The following OSBP variants were observed in gnomAD, a reference collection of about 807,000 sequenced individuals.
The protein encoded by OSBP is oxysterol binding protein.
Under a neutral mutation model 96.6 loss-of-function variants are expected in OSBP, and 32 were observed. That is an observed-to-expected ratio of 0.33 (90% CI 0.25 to 0.45). The LOEUF (loss-of-function observed/expected upper bound fraction) is 0.45, where lower values mean the gene tolerates loss of function less well. Among genes scored for constraint, OSBP ranks in the 20% least tolerant of loss-of-function variants. OSBP has a pLI of 1.00. For synonymous variants in OSBP, 369 were observed against 389.6 expected (o/e 0.95, Z 0.62); for missense variants, 653 against 1,029.7 (o/e 0.63, Z 5.01).
In OSBP at chr11:59,615,710, G is replaced by A; in HGVS notation, c.-46C>T. 2.4e-6 allele frequency: 3 copies of A among 1,259,018 alleles called. No individual in the cohort carries two copies. Among genetic ancestry groups the A allele is most frequent in the Non-Finnish European group, 3.0e-6 (3 of 1,003,174 alleles). 78.0% of individuals were successfully genotyped at this position (1,259,018 alleles called of 1,614,324 possible). A position where few individuals can be genotyped will look rare whatever the true frequency, so the allele number is the denominator to read the frequency against. On this transcript the variant is annotated 5_prime_UTR_variant, in exon 1 of 14. Coordinates refer to ENST00000263847, the MANE Select transcript of OSBP (RefSeq NM_002556.3). ...TACAAGACCGGAACCGCCTACGAGA[G>A]CCGCCGTCGCCGCCCGGAGCGCCCC...
At position 59,574,583 on chromosome 11, in the gene OSBP, G is replaced by A. The variant is rs1851928556; in HGVS notation, c.*1994C>T. ...ATCAGCCAGAAATGTAGTGCAGATGGTGAAGGAAGAGAAGGGGATAAAGCA... is the reference window on the plus strand; with the variant it reads ...ATCAGCCAGAAATGTAGTGCAGATGATGAAGGAAGAGAAGGGGATAAAGCA... On this transcript the variant is annotated 3_prime_UTR_variant, in exon 14 of 14. Transcript: ENST00000263847. 6.6e-6 allele frequency: 1 copy of A among 152,598 alleles called. No homozygotes were observed. The highest frequency in any genetic ancestry group is 1.5e-5 in the Non-Finnish European group (1 of 68,034). 9.5% of individuals were successfully genotyped at this position (152,598 alleles called of 1,614,324 possible).
At chr11:59,580,373 C>A in intron 10 of OSBP, 104 bp from the exon 11 acceptor site, 1 of 751,214 alleles carries the variant, frequency 1.3e-6, no homozygotes, top group Non-Finnish European at 2.3e-6. Context: ...TTCTAGTAAT[C>A]CCTTGTTTAA....
intron 9 of OSBP, among the ~76,000 whole-genome samples, chr11:59,591,380 T>C (rs1860578049): frequency 6.6e-6 from 1 of 152,148 alleles, no homozygotes; most frequent in African/African-American, 2.4e-5. Context: ...CTTCCTTTGG[T>C]ATTTGTGAGA....
chr11:59,605,179 C>T (rs1052905355), intron 3 of OSBP, among the ~76,000 whole-genome samples: 1 of 151,914 alleles, frequency 6.6e-6, no homozygotes, highest in Non-Finnish European at 1.5e-5. Context: ...ATTATGACTG[C>T]ATCCAAATTG....
At chr11:59,604,038 G>A (rs1012822486) in intron 3 of OSBP, among the ~76,000 whole-genome samples, 3 of 152,140 alleles carry the variant, frequency 2.0e-5, no homozygotes, top group African/African-American at 4.8e-5. Context: ...AGTACAGAGT[G>A]CATACTCTGG....
At chr11:59,604,708 A>C (rs1860758997) in intron 3 of OSBP, among the ~76,000 whole-genome samples, 1 of 151,768 alleles carries the variant, frequency 6.6e-6, no homozygotes, top group Admixed American at 6.6e-5. Context: ...CTCAAAAAAA[A>C]AGTTGAGTGT....
chr11:59,576,472 C>T lies in OSBP; in HGVS notation c.*105G>A. 1.5e-6 allele frequency: 2 copies of T among 1,293,130 alleles called. No homozygotes were observed. Among genetic ancestry groups the T allele is most frequent in the Non-Finnish European group, 2.1e-6 (2 of 935,906 alleles). The allele number at this position is 1,293,130 out of a possible 1,614,324, so 80.1% of individuals were successfully genotyped here. ...GGAAAAAATGATTGGTCAAGAGAGA[C>T]AAACTTGAGGAAAGCACTTGGTAAG... On this transcript the variant is annotated 3_prime_UTR_variant, in exon 14 of 14. Coordinates refer to ENST00000263847, the MANE Select transcript of OSBP (RefSeq NM_002556.3).
intron 3 of OSBP, among the ~76,000 whole-genome samples, chr11:59,604,875 C>G (rs531564883): frequency 4.5e-5 from 6 of 133,654 alleles, no homozygotes; most frequent in Non-Finnish European, 9.2e-5. Context: ...AGAAAAAGGC[C>G]GAGCACAGTG....
chr11:59,615,580 C>T lies in OSBP; in HGVS notation c.85G>A (p.Val29Met). The change falls in exon 1 of 14, where the codon GTG (valine) becomes ATG (methionine). Residue 29 changes from valine to methionine, a missense_variant. Around this residue, in one of 6 missense-constraint regions of OSBP, gnomAD observed 151 missense variants for 146.1 expected, o/e 1.03. Coordinates refer to ENST00000263847, the MANE Select transcript of OSBP (RefSeq NM_002556.3). ...ALGGGGAGPPVVGGGGGRGDA... is the reference protein window; with the variant it reads ...ALGGGGAGPPMVGGGGGRGDA... ...CCGCGGCCGCCGCCTCCTCCCACCA[C>T]TGGGGGACCGGCGCCGCCGCCGCCA... The T allele has an allele frequency of 7.3e-7, 1 of 1,376,274 alleles. No homozygotes were observed. Among genetic ancestry groups the T allele is most frequent in the Non-Finnish European group, 9.4e-7 (1 of 1,060,500 alleles). The allele number at this position is 1,376,274 out of a possible 1,614,324, so 85.3% of individuals were successfully genotyped here.
intron 3 of OSBP, among the ~76,000 whole-genome samples, chr11:59,604,742 C>T (rs1283057641): frequency 2.6e-5 from 4 of 151,554 alleles, no homozygotes; most frequent in Admixed American, 6.6e-5. Flanking sequence ...GTAGTCCCAG[C>T]TACTCAGAAG....
rs146008215 is a variant in OSBP at position 59,602,714 on chromosome 11, G to A, written c.823-876C>T. On this transcript the variant is annotated intron_variant, in intron 3 of 13. Coordinates refer to ENST00000263847, the MANE Select transcript of OSBP (RefSeq NM_002556.3). ...AGCTCACTGCAGCCTCAACCTCGTC[G>A]GGCTCAGGTGATCCTCCTACCTTAG... 4.3e-3 allele frequency among the ~76,000 whole-genome samples: 648 copies of A among 152,232 alleles called. 2 individuals are homozygous for A. Among genetic ancestry groups the A allele is most frequent in the African/African-American group, 0.014 (599 of 41,524 alleles).
intron 9 of OSBP, among the ~76,000 whole-genome samples, chr11:59,587,857 G>A (rs1373025613): frequency 1.3e-5 from 2 of 152,156 alleles, no homozygotes; most frequent in African/African-American, 4.8e-5. Flanking sequence ...GTCTTAAAGA[G>A]ATATTTGTTG....
At chr11:59,583,907 G>T (rs1309635312) in intron 9 of OSBP, among the ~76,000 whole-genome samples, 1 of 149,826 alleles carries the variant, frequency 6.7e-6, no homozygotes, top group Non-Finnish European at 1.5e-5. Context: ...CAAAGAGCTG[G>T]GATTACAGGC....
At chr11:59,585,560 C>T (rs1216829887) in intron 9 of OSBP, among the ~76,000 whole-genome samples, 3 of 151,642 alleles carry the variant, frequency 2.0e-5, no homozygotes, top group African/African-American at 4.8e-5. Context: ...GTCAGCCCCC[C>T]GCCCGGCCAG....
At chr11:59,578,117 G>C in intron 12 of OSBP, 32 bp downstream of exon 12, 2 of 1,602,320 alleles carry the variant, frequency 1.2e-6, no homozygotes, top group Non-Finnish European at 1.7e-6. Context: ...AGGTCAAAGT[G>C]GTATCTGGGC....
At position 59,604,254 on chromosome 11, in the gene OSBP, GTTA is replaced by G. The variant is rs564206388; in HGVS notation, c.823-2419_823-2417del. On this transcript the variant is annotated intron_variant, in intron 3 of 13. Transcript: ENST00000263847. Reference sequence around the variant, plus strand: ...ACAATAAACATTCAATAAGGTGTTAGTTATTATAATTATAAGCTGGGCATGGTA... The same window carrying G: ...ACAATAAACATTCAATAAGGTGTTAGTTATAATTATAAGCTGGGCATGGTA... 2.5e-4 allele frequency among the ~76,000 whole-genome samples: 38 copies of G among 152,296 alleles called. No homozygotes were observed. The South Asian group carries it at 7.5e-3, about 30-fold the overall frequency.
intron 7 of OSBP, among the ~76,000 whole-genome samples, chr11:59,599,691 G>A (rs1175305147): frequency 2.0e-5 from 3 of 152,142 alleles, no homozygotes; most frequent in African/African-American, 7.2e-5. Flanking sequence ...CTCAAGAAAT[G>A]GGTATTAGCC....
chr11:59,591,773 A>G (rs1205857022), intron 9 of OSBP, among the ~76,000 whole-genome samples: 2 of 151,752 alleles, frequency 1.3e-5, no homozygotes. Flanking sequence ...GGCACCCACC[A>G]CCACGCCTGG....
rs1860342693 is a variant in OSBP at position 59,574,924 on chromosome 11, AAAAC to A, written c.*1649_*1652del. 6.6e-6 allele frequency: 1 copy of A among 152,606 alleles called. No homozygotes were observed. 9.5% of individuals were successfully genotyped at this position (152,606 alleles called of 1,614,324 possible). A position where few individuals can be genotyped will look rare whatever the true frequency, so the allele number is the denominator to read the frequency against. ...GCTGAGGCTCAGCAGTTAAGGAACA[AAAAC>A]AAAAAATACTAACAAAAAGCATACA... On this transcript the variant is annotated 3_prime_UTR_variant, in exon 14 of 14. Coordinates refer to ENST00000263847, the MANE Select transcript of OSBP (RefSeq NM_002556.3).
Sources: gnomAD v4.1 joint callset for allele counts (sites outside exome capture counted in the v4.1 genomes callset) on GRCh38, gnomAD v4.1.1 for gene constraint, gnomAD v4.1.1 regional missense constraint, MANE v1.5 for transcripts, NCBI Gene and HGNC (gene_info 2026-07-23, HGNC 2026-07-21) for gene names.